GABRB2: variants seen among roughly 807,000 people sequenced by gnomAD.
GABRB2 encodes gamma-aminobutyric acid receptor subunit beta-2.
A neutral mutation model predicts 54.7 loss-of-function variants in GABRB2; 16 were observed. The ratio of observed to expected loss-of-function variants is 0.29; its 90% confidence interval spans 0.20 to 0.44. GABRB2 has a LOEUF of 0.44. GABRB2 is among the 20% of genes least tolerant of loss of function. The pLI, the probability that GABRB2 is intolerant of heterozygous loss-of-function variation, is 1.00. For missense variants in GABRB2, 355 were observed against 644.0 expected (o/e 0.55, Z 4.86); for synonymous variants, 244 against 233.8 (o/e 1.04, Z -0.40).
intron 4 of GABRB2, among the ~76,000 whole-genome samples, chr5:161,439,265 A>G (rs928000247): frequency 3.9e-5 from 6 of 152,218 alleles, no homozygotes; most frequent in African/African-American, 1.4e-4. Flanking sequence ...GTGCTGAAAG[A>G]AAATAACTTT....
At chr5:161,528,573 G>C (rs777004585) in intron 3 of GABRB2, among the ~76,000 whole-genome samples, 1 of 151,736 alleles carries the variant, frequency 6.6e-6, no homozygotes, top group African/African-American at 2.4e-5. Flanking sequence ...CAAGTCTCCT[G>C]TCTTTGATAC....
At chr5:161,407,059 C>T (rs931470123) in intron 5 of GABRB2, among the ~76,000 whole-genome samples, 1 of 152,140 alleles carries the variant, frequency 6.6e-6, no homozygotes, top group East Asian at 1.9e-4. Flanking sequence ...AAGAAATGAT[C>T]CTTTGGAATT....
intron 4 of GABRB2, among the ~76,000 whole-genome samples, chr5:161,421,056 C>A (rs1756832509): frequency 6.6e-6 from 1 of 152,220 alleles, no homozygotes; most frequent in Non-Finnish European, 1.5e-5. Flanking sequence ...CCATTGGCCA[C>A]TGCCTCATCC....
intron 3 of GABRB2, among the ~76,000 whole-genome samples, chr5:161,528,602 A>T (rs545982754): frequency 1.8e-4 from 28 of 151,932 alleles, no homozygotes; most frequent in African/African-American, 6.5e-4. Flanking sequence ...ACCTTTTCAG[A>T]ATAATTACAG....
chr5:161,347,098 C>G (rs1754339855), intron 5 of GABRB2, among the ~76,000 whole-genome samples: 1 of 152,062 alleles, frequency 6.6e-6, no homozygotes, highest in African/African-American at 2.4e-5. Flanking sequence ...ATGAATTGAT[C>G]TAGAGCATGA....
chr5:161,432,127 G>A (rs1757186597), intron 4 of GABRB2, among the ~76,000 whole-genome samples: 1 of 152,190 alleles, frequency 6.6e-6, no homozygotes, highest in African/African-American at 2.4e-5. Context: ...TCAGAAGAAT[G>A]TGGTTTCTGC....
intron 3 of GABRB2, among the ~76,000 whole-genome samples, chr5:161,535,474 C>G (rs532911058): frequency 6.6e-6 from 1 of 151,866 alleles, no homozygotes; most frequent in East Asian, 1.9e-4. Flanking sequence ...ACAACTATAA[C>G]GAAACAAGGT....
intron 7 of GABRB2, 25 bp from the exon 8 acceptor site, chr5:161,331,152 G>A (rs777582126): frequency 2.0e-6 from 3 of 1,523,914 alleles, no homozygotes; most frequent in Non-Finnish European, 8.8e-7. Context: ...GAGAGTTAGA[G>A]TAATAATGTT....
At position 161,491,035 on chromosome 5, in the gene GABRB2, C is replaced by T. The variant is rs373355541; in HGVS notation, c.238-31191G>A. 7.4e-4 allele frequency among the ~76,000 whole-genome samples: 113 copies of T among 151,686 alleles called. 5 individuals carry two copies. In the South Asian group the frequency reaches 0.022, roughly 30 times the overall value. Reference sequence around the variant, plus strand: ...AAACTTTCTGCATAAAAGGGAAGTGCTTTTTGGGAGTAGATAAAGCCAGCA... The same window carrying T: ...AAACTTTCTGCATAAAAGGGAAGTGTTTTTTGGGAGTAGATAAAGCCAGCA... On this transcript the variant is annotated intron_variant, in intron 3 of 9. Coordinates refer to ENST00000393959, the MANE Select transcript of GABRB2 (RefSeq NM_001371727.1).
intron 8 of GABRB2, 25 bp from the exon 9 acceptor site, chr5:161,326,506 C>T (rs371019525): frequency 1.9e-6 from 3 of 1,607,852 alleles, no homozygotes; most frequent in South Asian, 1.1e-5. Context: ...AGAGAATGTG[C>T]TAATTAAGTC....
intron 4 of GABRB2, among the ~76,000 whole-genome samples, chr5:161,441,947 G>A (rs1220610654): frequency 2.0e-5 from 3 of 152,170 alleles, no homozygotes; most frequent in African/African-American, 4.8e-5. Context: ...GATTACCAGA[G>A]GCTGAGAATG....
chr5:161,533,754 T>C (rs1760540268), intron 3 of GABRB2, among the ~76,000 whole-genome samples: 5 of 152,262 alleles, frequency 3.3e-5, no homozygotes, highest in South Asian at 2.1e-4. Flanking sequence ...TGTAAGCTCA[T>C]AGAACATGGA....
chr5:161,496,062 C>T (rs555720992), intron 3 of GABRB2, among the ~76,000 whole-genome samples: 185 of 152,216 alleles, frequency 1.2e-3, no homozygotes, highest in African/African-American at 4.3e-3. Context: ...ATACCATCTC[C>T]GCTTTCTGAG....
intron 7 of GABRB2, among the ~76,000 whole-genome samples, chr5:161,333,567 G>A (rs1753913682): frequency 6.6e-6 from 1 of 152,114 alleles, no homozygotes. Flanking sequence ...TCAGTCAATG[G>A]CTATTTCATT....
rs114137266 is a variant in GABRB2, at chr5:161,313,893, C to T, written c.1191+12475G>A. On this transcript the variant is annotated intron_variant, in intron 9 of 9. Coordinates refer to ENST00000393959, the MANE Select transcript of GABRB2 (RefSeq NM_001371727.1). ...AGGTTTGATTATGTTCAGGACTGCC[C>T]GTGCTCTTAACTGTTGGCTTGGTCT... Among the ~76,000 whole-genome samples, 672 of 152,260 alleles carry T rather than the reference C, an allele frequency of 4.4e-3. 3 individuals carry two copies. The highest frequency in any genetic ancestry group is 8.2e-3 in the Admixed American group (126 of 15,286).
chr5:161,544,160 G>C (rs745309504), intron 3 of GABRB2, among the ~76,000 whole-genome samples: 1 of 152,186 alleles, frequency 6.6e-6, no homozygotes. Flanking sequence ...GGGTGGCTTA[G>C]AAATGTTTTG....
At chr5:161,536,638 C>T (rs369195074) in intron 3 of GABRB2, among the ~76,000 whole-genome samples, 9 of 152,144 alleles carry the variant, frequency 5.9e-5, no homozygotes, top group African/African-American at 1.9e-4. Context: ...ACTCTGTCGC[C>T]CAGGCTGGAG....
intron 5 of GABRB2, among the ~76,000 whole-genome samples, chr5:161,394,870 T>A (rs2113054415): frequency 6.6e-6 from 1 of 152,168 alleles, no homozygotes; most frequent in African/African-American, 2.4e-5. Context: ...AACATAACTC[T>A]AATATCAGTC....
At position 161,511,308 on chromosome 5, in the gene GABRB2, G is replaced by A. The variant is rs142277419; in HGVS notation, c.237+33919C>T. ...ATATCTAAAAGTTGACCTTTAAATTGTTCTTTTCAGTTTGTAAAATATACA... is the reference window on the plus strand; with the variant it reads ...ATATCTAAAAGTTGACCTTTAAATTATTCTTTTCAGTTTGTAAAATATACA... On this transcript the variant is annotated intron_variant, in intron 3 of 9. Transcript: ENST00000393959. 9.1e-4 allele frequency among the ~76,000 whole-genome samples: 139 copies of A among 151,964 alleles called. 1 individual carries two copies. The highest frequency in any genetic ancestry group is 3.1e-3 in the African/African-American group (130 of 41,516).
Sources: allele counts gnomAD v4.1 joint callset (sites outside exome capture counted in the v4.1 genomes callset), GRCh38; gene constraint gnomAD v4.1.1; transcripts MANE v1.5; gene names NCBI Gene and HGNC (gene_info 2026-07-23, HGNC 2026-07-21).